NCAM2: variants seen among roughly 807,000 people sequenced by gnomAD.
The protein encoded by NCAM2 is neural cell adhesion molecule 2, also known as N-CAM-2.
NCAM2 carries 30 observed loss-of-function variants against 98.1 expected under a neutral mutation model. That is an observed-to-expected ratio of 0.31 (90% CI 0.23 to 0.41). The LOEUF (loss-of-function observed/expected upper bound fraction) is 0.41. Among genes scored for constraint, NCAM2 ranks in the 10% least tolerant of loss-of-function variants. The pLI is 1.00. For missense variants in NCAM2, 867 were observed against 1,005.8 expected (o/e 0.86, Z 1.87); for synonymous variants, 368 against 342.4 (o/e 1.07, Z -0.83).
rs751188340 is a variant in NCAM2 at position 21,292,107 on chromosome 21, G to A, written c.485G>A (p.Arg162Gln). 55 of 1,606,592 alleles carry A rather than the reference G, an allele frequency of 3.4e-5. No individual in the cohort carries two copies. The highest frequency in any genetic ancestry group is 2.7e-4 in the Admixed American group (16 of 59,284). The change falls in exon 5 of 18, where the codon CGG (arginine) becomes CAG (glutamine). Residue 162 changes from arginine to glutamine, a missense_variant. Coordinates refer to ENST00000400546, the MANE Select transcript of NCAM2 (RefSeq NM_004540.5). ...CTCCCCTTTGCTTTCTTTCCAGATC[G>A]GTTCGCTATGTTAGCAAACAATAAC... Reference protein sequence around the residue: ...NEEVTTISDNRFAMLANNNLQ... With the variant: ...NEEVTTISDNQFAMLANNNLQ...
In NCAM2 at chr21:21,092,002, G is replaced by A. The variant is rs183782532; in HGVS notation, c.55+93384G>A. The stretch of plus-strand genomic sequence containing the variant: ...CTTAAAAGAGGGCCTGACAAAGTTG[G>A]TGCTTAATAAATATTTGAAAATAAA... On this transcript the variant is annotated intron_variant, in intron 1 of 17. Coordinates refer to ENST00000400546, the MANE Select transcript of NCAM2 (RefSeq NM_004540.5). Among the ~76,000 whole-genome samples, 114 of 152,054 alleles carry A rather than the reference G, an allele frequency of 7.5e-4. 2 individuals carry two copies. Among genetic ancestry groups the A allele is most frequent in the African/African-American group, 2.7e-3 (110 of 41,494 alleles).
At position 21,467,927 on chromosome 21, in the gene NCAM2, G is replaced by T. The variant is rs145158599; in HGVS notation, c.1775-735G>T. On this transcript the variant is annotated intron_variant, in intron 13 of 17. Coordinates refer to ENST00000400546, the MANE Select transcript of NCAM2 (RefSeq NM_004540.5). ...AATAACCTGCTGAGAAGAAATAACA[G>T]GTCATGCCGGTTTAGAGATATGAAA... Among the ~76,000 whole-genome samples the T allele has an allele frequency of 1.4e-3, 209 of 152,052 alleles. 2 individuals are homozygous for T. The highest frequency in any genetic ancestry group is 4.7e-3 in the African/African-American group (196 of 41,514).
chr21:21,387,149 T>C (rs186565832), intron 9 of NCAM2, among the ~76,000 whole-genome samples: 1 of 151,616 alleles, frequency 6.6e-6, no homozygotes, highest in African/African-American at 2.4e-5. Flanking sequence ...TTTTTGGTTA[T>C]GTACTGGCAT....
intron 8 of NCAM2, among the ~76,000 whole-genome samples, chr21:21,360,387 A>G (rs1027518409): frequency 2.6e-5 from 4 of 152,134 alleles, no homozygotes; most frequent in Admixed American, 6.5e-5. Context: ...GTCATGATCT[A>G]TCTCTTATGA....
At chr21:21,161,162 C>A (rs1317160787) in intron 1 of NCAM2, among the ~76,000 whole-genome samples, 2 of 151,634 alleles carry the variant, frequency 1.3e-5, no homozygotes, top group Admixed American at 1.3e-4. Flanking sequence ...AAATTTATAA[C>A]ACATGAATAT....
At chr21:21,349,890 A>G (rs1259290096) in intron 8 of NCAM2, among the ~76,000 whole-genome samples, 2 of 152,202 alleles carry the variant, frequency 1.3e-5, no homozygotes, top group East Asian at 1.9e-4. Context: ...ACTCAAGGAC[A>G]TAGATAATAG....
intron 15 of NCAM2, among the ~76,000 whole-genome samples, chr21:21,504,532 C>T (rs926195426): frequency 3.3e-5 from 5 of 151,782 alleles, no homozygotes; most frequent in Admixed American, 2.6e-4. Flanking sequence ...TTAATGATGT[C>T]ATTTCATATG....
chr21:21,335,449 A>G (rs913009050), intron 6 of NCAM2, 56 bp from the exon 7 acceptor site: 5 of 1,444,962 alleles, frequency 3.5e-6, no homozygotes, highest in South Asian at 3.0e-5. Flanking sequence ...GTTGATTAAA[A>G]TCTACTAAAT....
intron 15 of NCAM2, among the ~76,000 whole-genome samples, chr21:21,501,825 A>T (rs1308943693): frequency 6.6e-6 from 1 of 151,910 alleles, no homozygotes; most frequent in Non-Finnish European, 1.5e-5. Flanking sequence ...GTTTCAGTAT[A>T]CCAAATTCAA....
chr21:21,317,823 C>T (rs758575644), intron 5 of NCAM2, among the ~76,000 whole-genome samples: 32 of 152,150 alleles, frequency 2.1e-4, no homozygotes, highest in Non-Finnish European at 3.7e-4. Flanking sequence ...GTGCGAGCCA[C>T]CAGGCCTTGA....
intron 1 of NCAM2, among the ~76,000 whole-genome samples, chr21:21,078,844 A>G (rs1601301316): frequency 6.6e-6 from 1 of 152,240 alleles, no homozygotes; most frequent in Non-Finnish European, 1.5e-5. Flanking sequence ...GCCATGGAAT[A>G]CTATGCAGCC....
intron 1 of NCAM2, among the ~76,000 whole-genome samples, chr21:21,187,086 C>G (rs541313665): frequency 2.0e-5 from 3 of 152,000 alleles, no homozygotes; most frequent in Admixed American, 6.6e-5. Flanking sequence ...AAAAATTAGC[C>G]AGGTGTGGTG....
intron 12 of NCAM2, among the ~76,000 whole-genome samples, chr21:21,450,576 TG>T (rs1225330714): frequency 6.6e-6 from 1 of 152,006 alleles, no homozygotes; most frequent in Non-Finnish European, 1.5e-5. Flanking sequence ...GTGGTCCTCT[TG>T]CCTCAGCCTC....
At chr21:21,326,840 T>A (rs1343615247) in intron 6 of NCAM2, among the ~76,000 whole-genome samples, 2 of 136,688 alleles carry the variant, frequency 1.5e-5, no homozygotes, top group Admixed American at 7.8e-5. Flanking sequence ...GAAGGTAAAA[T>A]TTGTGTTAGA....
At chr21:21,184,786 A>G (rs2068585899) in intron 1 of NCAM2, among the ~76,000 whole-genome samples, 1 of 152,176 alleles carries the variant, frequency 6.6e-6, no homozygotes, top group Non-Finnish European at 1.5e-5. Flanking sequence ...CTCTAATGAA[A>G]TGAATCAGCA....
chr21:21,479,543 C>T (rs1985597168), intron 15 of NCAM2, among the ~76,000 whole-genome samples: 1 of 128,466 alleles, frequency 7.8e-6, no homozygotes, highest in Non-Finnish European at 1.6e-5. Context: ...GAGACCGCGC[C>T]ACTGCACTCC....
chr21:21,479,698 C>T (rs1055011202), intron 15 of NCAM2, among the ~76,000 whole-genome samples: 2 of 150,176 alleles, frequency 1.3e-5, no homozygotes, highest in Non-Finnish European at 3.0e-5. Context: ...ACCAAAGTAA[C>T]CAAGACATGC....
At chr21:21,368,719 C>T (rs1205129811) in intron 8 of NCAM2, among the ~76,000 whole-genome samples, 3 of 151,782 alleles carry the variant, frequency 2.0e-5, no homozygotes, top group Non-Finnish European at 4.4e-5. Flanking sequence ...CTAATCAACT[C>T]CCAAAGGCCC....
chr21:21,190,460 T>C (rs2068784913), intron 1 of NCAM2, among the ~76,000 whole-genome samples: 1 of 152,176 alleles, frequency 6.6e-6, no homozygotes, highest in South Asian at 2.1e-4. Flanking sequence ...GTAAGTTCAG[T>C]GTGGCAATAG....
Sources: gnomAD v4.1 joint callset for allele counts (sites outside exome capture counted in the v4.1 genomes callset) on GRCh38, gnomAD v4.1.1 for gene constraint, MANE v1.5 for transcripts, NCBI Gene and HGNC (gene_info 2026-07-23, HGNC 2026-07-21) for gene names.